Variants in SLC25A28 observed in about 807,000 individuals in gnomAD.
SLC25A28 encodes the protein mitoferrin-2.
A neutral mutation model predicts 31.9 loss-of-function variants in SLC25A28; 10 were observed. The ratio of observed to expected loss-of-function variants is 0.31; its 90% CI spans 0.19 to 0.53. The LOEUF is 0.53. SLC25A28 is among the 20% of genes least tolerant of loss of function. The probability of loss-of-function intolerance (pLI) is 0.95; values close to 1 mark genes in which losing one functional copy is unlikely to be tolerated. For missense variants in SLC25A28, 256 were observed against 490.3 expected, an observed-to-expected ratio of 0.52 and a Z score of 4.51; for synonymous variants, 208 against 203.6, an observed-to-expected ratio of 1.02 and a Z score of -0.19.
upstream of SLC25A28, chr10:99,621,001 C>G: frequency 3.0e-6 from 3 of 984,280 alleles, no homozygotes; most frequent in Non-Finnish European, 3.6e-6. Flanking sequence ...AGCGGGCGGC[C>G]CTGGCCCCGG....
chr10:99,659,052 C>T, the SLC25A28 span, among the ~76,000 whole-genome samples: 1 of 152,150 alleles, frequency 6.6e-6, no homozygotes, highest in Non-Finnish European at 1.5e-5. This position sits in a 1 kb window ranked among gnomAD's most constrained non-coding sequence, Gnocchi z 4.1. Context: ...GAGAGAACTG[C>T]CATTCTGGTA....
the SLC25A28 span, among the ~76,000 whole-genome samples, chr10:99,642,851 T>C: frequency 0.21 from 32,710 of 152,188 alleles, 4,416 homozygotes; most frequent in East Asian, 0.29. Flanking sequence ...TGGTTCTGTT[T>C]ATATGCTGGA....
the SLC25A28 span, among the ~76,000 whole-genome samples, chr10:99,644,922 C>T: frequency 2.6e-5 from 4 of 152,130 alleles, no homozygotes; most frequent in South Asian, 2.1e-4. Flanking sequence ...GTGAGAGATC[C>T]GCTGTTAGTT....
At chr10:99,619,370 T>C in intron 1 of SLC25A28, 1 of 985,440 alleles carries the variant, frequency 1.0e-6, no homozygotes, top group Non-Finnish European at 1.2e-6. Context: ...TCCCTGAACA[T>C]ACAGTCCTAA....
At chr10:99,625,096 C>G (rs1213645096), upstream of SLC25A28, among the ~76,000 whole-genome samples, 1 of 151,818 alleles carries the variant, frequency 6.6e-6, no homozygotes, top group Admixed American at 6.6e-5. Flanking sequence ...AGAGTTTCTT[C>G]CTTCCAGTGG....
the SLC25A28 span, among the ~76,000 whole-genome samples, chr10:99,638,619 G>A: frequency 6.6e-6 from 1 of 152,050 alleles, no homozygotes; most frequent in African/African-American, 2.4e-5. Flanking sequence ...TCAAAAAGTG[G>A]GCTAAGGACA....
the SLC25A28 span, among the ~76,000 whole-genome samples, chr10:99,627,817 G>A: frequency 1.3e-5 from 2 of 151,932 alleles, no homozygotes; most frequent in South Asian, 4.2e-4. Flanking sequence ...CAAACAGTAG[G>A]TCTTATTCAT....
chr10:99,647,400 C>A, the SLC25A28 span, among the ~76,000 whole-genome samples: 8 of 152,156 alleles, frequency 5.3e-5, no homozygotes, highest in African/African-American at 1.9e-4. Context: ...AGTTGCATTT[C>A]TCTGATGATT....
chr10:99,617,142 G>A (rs1339601121), intron 1 of SLC25A28: 12 of 985,254 alleles, frequency 1.2e-5, no homozygotes, highest in African/African-American at 1.7e-5. Context: ...TGGGTACTTC[G>A]CCAGAGGATT....
At chr10:99,631,887 T>TA in the SLC25A28 span, among the ~76,000 whole-genome samples, 1 of 99,782 alleles carries the variant, frequency 1.0e-5, no homozygotes, top group African/African-American at 3.7e-5. Flanking sequence ...TATTTTTTTT[T>TA]TTTATTTTTT....
the SLC25A28 span, among the ~76,000 whole-genome samples, chr10:99,641,379 T>C: frequency 6.6e-6 from 1 of 152,238 alleles, no homozygotes; most frequent in Non-Finnish European, 1.5e-5. Flanking sequence ...GAGAAGTGTC[T>C]GTTCATATCC....
At chr10:99,636,140 G>C in the SLC25A28 span, among the ~76,000 whole-genome samples, 1 of 152,172 alleles carries the variant, frequency 6.6e-6, no homozygotes, top group African/African-American at 2.4e-5. Context: ...GATATATACA[G>C]AACATTTCAT....
At chr10:99,615,968 A>G (rs377124420) in intron 1 of SLC25A28, 1 of 985,478 alleles carries the variant, frequency 1.0e-6, no homozygotes, top group Non-Finnish European at 1.2e-6. Flanking sequence ...AACATTCTAT[A>G]TACACATCTA....
At chr10:99,659,261 G>T in the SLC25A28 span, among the ~76,000 whole-genome samples, 4 of 152,228 alleles carry the variant, frequency 2.6e-5, no homozygotes, top group African/African-American at 9.6e-5. This position sits in a 1 kb window ranked among gnomAD's most constrained non-coding sequence, Gnocchi z 4.1. Context: ...AGCTCTCCGC[G>T]GGCCCTGCAG....
chr10:99,638,668 A>C, the SLC25A28 span, among the ~76,000 whole-genome samples: 6 of 152,388 alleles, frequency 3.9e-5, no homozygotes, highest in Middle Eastern at 0.014. Context: ...ACAAATGGCC[A>C]ACAAACATAT....
At chr10:99,649,307 G>C in the SLC25A28 span, among the ~76,000 whole-genome samples, 1 of 152,146 alleles carries the variant, frequency 6.6e-6, no homozygotes, top group South Asian at 2.1e-4. Flanking sequence ...AATCCTACCT[G>C]ATCATGGTGT....
chr10:99,625,398 A>G (rs1395526498), upstream of SLC25A28, among the ~76,000 whole-genome samples: 2 of 151,940 alleles, frequency 1.3e-5, no homozygotes, highest in Non-Finnish European at 2.9e-5. Context: ...TGTGTTTACA[A>G]TCCTTTAGCT....
chr10:99,619,258 C>T (rs1400396528), intron 1 of SLC25A28: 19 of 985,214 alleles, frequency 1.9e-5, no homozygotes, highest in African/African-American at 5.2e-5. Context: ...TTTCTAATAC[C>T]GTCACACTTC....
At chr10:99,636,745 T>G in the SLC25A28 span, among the ~76,000 whole-genome samples, 1 of 152,108 alleles carries the variant, frequency 6.6e-6, no homozygotes, top group Non-Finnish European at 1.5e-5. Flanking sequence ...TCAGGAATAA[T>G]TAGGTACCCT....
Sources: allele counts gnomAD v4.1 joint callset (sites outside exome capture counted in the v4.1 genomes callset), GRCh38; gene constraint gnomAD v4.1.1; non-coding constraint Gnocchi (gnomAD v3.1); transcripts MANE v1.5; gene names NCBI Gene and HGNC (gene_info 2026-07-23, HGNC 2026-07-21).